RSF1: variants seen among roughly 807,000 people sequenced by gnomAD.
RSF1 encodes the protein remodeling and spacing factor 1.
Under a neutral mutation model 145.2 loss-of-function variants are expected in RSF1, and 13 were observed. That is an observed-to-expected ratio of 0.09 (90% CI 0.06 to 0.14). RSF1 has a LOEUF of 0.14. Among genes scored for constraint, RSF1 ranks in the 10% least tolerant of loss-of-function variants. The pLI is 1.00. For missense variants in RSF1, 1,517 were observed against 1,718.2 expected (o/e 0.88, Z 2.07); for synonymous variants, 577 against 592.6 (o/e 0.97, Z 0.38).
chr11:77,845,364 T>G, the RSF1 span, among the ~76,000 whole-genome samples: 2 of 152,182 alleles, frequency 1.3e-5, no homozygotes, highest in Admixed American at 6.6e-5. Flanking sequence ...TATCTGCTGT[T>G]GAGCCCCTGT....
chr11:77,742,053 A>T (rs192391802), intron 3 of RSF1, among the ~76,000 whole-genome samples: 2 of 152,330 alleles, frequency 1.3e-5, no homozygotes, highest in Admixed American at 1.3e-4. Flanking sequence ...CTGTTGACGG[A>T]CATTTAGAAT....
chr11:77,767,057 A>G (rs1269745070), intron 1 of RSF1, among the ~76,000 whole-genome samples: 2 of 152,210 alleles, frequency 1.3e-5, no homozygotes, highest in Non-Finnish European at 2.9e-5. Flanking sequence ...CCCCACCTAT[A>G]TAAGGGGACA....
intron 11 of RSF1, among the ~76,000 whole-genome samples, chr11:77,680,069 T>G (rs142238831): frequency 6.6e-6 from 1 of 152,082 alleles, no homozygotes; most frequent in African/African-American, 2.4e-5. Context: ...ATCAAAGAAA[T>G]AGATTCTATT....
At chr11:77,861,273 T>G in the RSF1 span, among the ~76,000 whole-genome samples, 6 of 152,130 alleles carry the variant, frequency 3.9e-5, no homozygotes, top group African/African-American at 1.4e-4. Context: ...CAGGCATAAT[T>G]AGAAAAGCAT....
In RSF1 at chr11:77,667,036, T is replaced by G; in HGVS notation, c.4207A>C (p.Ser1403Arg). The G allele has an allele frequency of 6.2e-7, 1 of 1,613,984 alleles. No homozygotes were observed. The highest frequency in any genetic ancestry group is 8.5e-7 in the Non-Finnish European group (1 of 1,179,826). ...TPKDNSTASA[S>R]LASNGTSGGQ... ...CCACTTGTCCCATTGGAGGCTAGGCTTGCACTGGCTGTGCTGTTGTCCTTG... is the reference window on the plus strand; with the variant it reads ...CCACTTGTCCCATTGGAGGCTAGGCGTGCACTGGCTGTGCTGTTGTCCTTG... Residue 1403 changes from serine (S) to arginine (R), a missense_variant, in exon 16 of 16, where the codon AGC becomes CGC. Around this residue, in one of 12 missense-constraint regions of RSF1, gnomAD observed 240 missense variants for 231.8 expected, o/e 1.04. Coordinates refer to ENST00000308488, the MANE Select transcript of RSF1 (RefSeq NM_016578.4).
At chr11:77,822,648 A>G (rs1260250127), upstream of RSF1, among the ~76,000 whole-genome samples, 2 of 152,190 alleles carry the variant, frequency 1.3e-5, no homozygotes. Flanking sequence ...TACTCAATTT[A>G]TCAAGAGAAA....
At chr11:77,697,629 A>G (rs1359164884) in intron 7 of RSF1, among the ~76,000 whole-genome samples, 2 of 149,498 alleles carry the variant, frequency 1.3e-5, no homozygotes, top group Non-Finnish European at 3.0e-5. Flanking sequence ...GCTCTCTATA[A>G]AAGTGGTACT....
chr11:77,669,147 C>T (rs920185196), intron 15 of RSF1, among the ~76,000 whole-genome samples: 4 of 152,178 alleles, frequency 2.6e-5, no homozygotes, highest in Admixed American at 1.3e-4. Context: ...TCTCATCCAA[C>T]CCAACAGTAA....
chr11:77,668,901 A>T (rs1247325997), intron 15 of RSF1, among the ~76,000 whole-genome samples: 2 of 91,182 alleles, frequency 2.2e-5, no homozygotes, highest in African/African-American at 4.5e-5. Context: ...TTGGCATGCC[A>T]TCTATGTGCT....
intron 5 of RSF1, among the ~76,000 whole-genome samples, chr11:77,706,004 G>A (rs1441573862): frequency 1.3e-5 from 2 of 152,014 alleles, no homozygotes; most frequent in African/African-American, 2.4e-5. Context: ...AGTGGCTTAC[G>A]CCTGTAATCC....
At position 77,747,119 on chromosome 11, in the gene RSF1, C is replaced by G; in HGVS notation, c.289G>C (p.Glu97Gln). Residue 97 changes from glutamate to glutamine, a missense_variant, in exon 3 of 16, where the codon GAG (glutamate) becomes CAG (glutamine). Around this residue, in one of 12 missense-constraint regions of RSF1, gnomAD observed 94 missense variants for 143.6 expected, o/e 0.65. Transcript: ENST00000308488. Reference protein sequence around the residue: ...WEKYLIKICQEFNSTWAWEME... With the variant: ...WEKYLIKICQQFNSTWAWEME... ...TCCCATGCCCAGGTACTGTTAAACT[C>G]TTGGCATATCTGTCAGATAAAGTTA... The G allele has an allele frequency of 6.2e-7, 1 of 1,606,040 alleles. No individual in the cohort carries two copies. Among genetic ancestry groups the G allele is most frequent in the Non-Finnish European group, 8.5e-7 (1 of 1,173,692 alleles).
intron 13 of RSF1, 39 bp from the exon 14 acceptor site, chr11:77,675,295 G>T (rs746691673): frequency 5.2e-6 from 8 of 1,528,104 alleles, no homozygotes; most frequent in Non-Finnish European, 7.1e-6. Context: ...ATGGTATTTA[G>T]AAGAGTGAAC....
At chr11:77,810,431 A>G (rs1948719343) in intron 1 of RSF1, among the ~76,000 whole-genome samples, 1 of 152,260 alleles carries the variant, frequency 6.6e-6, no homozygotes, top group South Asian at 2.1e-4. Flanking sequence ...CTAACCCAAG[A>G]GGAGTAATTA....
chr11:77,693,376 A>G, intron 8 of RSF1, 131 bp downstream of exon 8: 3 of 527,206 alleles, frequency 5.7e-6, no homozygotes, highest in Non-Finnish European at 6.7e-6. Context: ...TAAAAGGTAG[A>G]AATCTAAACA....
At chr11:77,755,316 C>A (rs147631972) in intron 2 of RSF1, among the ~76,000 whole-genome samples, 13 of 152,214 alleles carry the variant, frequency 8.5e-5, no homozygotes, top group African/African-American at 2.9e-4. Flanking sequence ...ATCAGGACAG[C>A]TGATGGAACA....
intron 5 of RSF1, among the ~76,000 whole-genome samples, chr11:77,724,755 AGGGTTTGTGCTCCCAT>A (rs909964359): frequency 1.2e-4 from 18 of 152,104 alleles, no homozygotes; most frequent in Non-Finnish European, 8.8e-5. Flanking sequence ...GGTTCACAAT[AGGGTTTGTGCTCCCAT>A]GAGAATTTAA....
the RSF1 span, among the ~76,000 whole-genome samples, chr11:77,834,484 G>A: frequency 3.7e-5 from 5 of 136,048 alleles, no homozygotes; most frequent in East Asian, 2.2e-4. Context: ...ATGCAGTCTC[G>A]GCTCACTGCA....
At chr11:77,847,562 G>A in the RSF1 span, among the ~76,000 whole-genome samples, 2 of 152,202 alleles carry the variant, frequency 1.3e-5, no homozygotes, top group Non-Finnish European at 2.9e-5. Context: ...TGGAGATATA[G>A]AAGGGACAGA....
chr11:77,820,735 A>C, upstream of RSF1: 2 of 1,538,830 alleles, frequency 1.3e-6, no homozygotes, highest in Non-Finnish European at 1.8e-6. Flanking sequence ...AGGATGGAGG[A>C]GGAGGCGATG....
Sources: allele counts gnomAD v4.1 joint callset (sites outside exome capture counted in the v4.1 genomes callset), GRCh38; gene constraint gnomAD v4.1.1; regional missense constraint gnomAD v4.1.1; transcripts MANE v1.5; gene names NCBI Gene and HGNC (gene_info 2026-07-23, HGNC 2026-07-21).